Variants in SBF2 observed in about 807,000 individuals in gnomAD.
The protein encoded by SBF2 is SET binding factor 2, also known as myotubularin-related protein 13.
A neutral mutation model predicts 225.2 loss-of-function variants in SBF2; 112 were observed. That is an observed-to-expected ratio of 0.50 (90% CI 0.43 to 0.58). The LOEUF is 0.58. SBF2 is among the 20% of genes least tolerant of loss of function. The pLI is 0.00. For synonymous variants in SBF2, 763 were observed against 773.3 expected (o/e 0.99, Z 0.22); for missense variants, 1,996 against 2,206.2 (o/e 0.90, Z 1.91).
intron 2 of SBF2, among the ~76,000 whole-genome samples, chr11:10,189,703 G>A (rs1957083917): frequency 6.6e-6 from 1 of 152,076 alleles, no homozygotes; most frequent in Non-Finnish European, 1.5e-5. Context: ...TCTTTTTCAA[G>A]CCACAAAATT....
At chr11:10,111,396 T>C (rs1394674111) in intron 2 of SBF2, among the ~76,000 whole-genome samples, 1 of 152,192 alleles carries the variant, frequency 6.6e-6, no homozygotes, top group Non-Finnish European at 1.5e-5. Context: ...TCAGTAAAGT[T>C]GTACAATCAC....
At chr11:9,894,049 C>T (rs1242375178) in intron 17 of SBF2, among the ~76,000 whole-genome samples, 3 of 151,966 alleles carry the variant, frequency 2.0e-5, no homozygotes, top group Admixed American at 2.0e-4. Context: ...AATTTGAGAC[C>T]AGCCTGGGCA....
chr11:9,843,387 A>G (rs1856305551), intron 24 of SBF2, among the ~76,000 whole-genome samples: 3 of 152,232 alleles, frequency 2.0e-5, no homozygotes, highest in Admixed American at 1.3e-4. Context: ...CAGAAACTTG[A>G]GTATCCTTTT....
upstream of SBF2, among the ~76,000 whole-genome samples, chr11:10,298,036 A>AAGAAGGGT (rs1964564038): frequency 6.6e-6 from 1 of 152,262 alleles, no homozygotes; most frequent in African/African-American, 2.4e-5. Flanking sequence ...GCAGGAAGGG[A>AAGAAGGGT]AGAAGGGTAT....
In SBF2 at chr11:10,230,869, TG is replaced by T. The variant is rs1267286540; in HGVS notation, c.56-36883del. Among the ~76,000 whole-genome samples, 5 of 152,182 alleles carry T rather than the reference TG, an allele frequency of 3.3e-5. No individual in the cohort carries two copies. In the East Asian group the frequency reaches 9.6e-4, roughly 29 times the overall value. Reference sequence around the variant, plus strand: ...TGAATGTTGGCCTGCCTTGCTAGATTGGGGAAGTTCTCCTGGATAATATCCT... The same window carrying T: ...TGAATGTTGGCCTGCCTTGCTAGATTGGGAAGTTCTCCTGGATAATATCCT... On this transcript the variant is annotated intron_variant, in intron 1 of 39. Coordinates refer to ENST00000256190, the MANE Select transcript of SBF2 (RefSeq NM_030962.4).
chr11:9,874,459 A>G (rs550616931), intron 17 of SBF2, among the ~76,000 whole-genome samples: 3 of 152,210 alleles, frequency 2.0e-5, no homozygotes, highest in Non-Finnish European at 2.9e-5. Context: ...AAGAAAATCA[A>G]TATCTTTTAG....
Position 9,963,798 on chromosome 11 carries a change from T to A in SBF2, c.1685A>T (p.Glu562Val), listed in dbSNP as rs1226371442. 1 of 1,595,450 alleles carries A rather than the reference T, an allele frequency of 6.3e-7. No individual in the cohort carries two copies. Among genetic ancestry groups the A allele is most frequent in the Admixed American group, 1.7e-5 (1 of 59,576 alleles). ...VVRNCISFIF[E>V]NKILETEKTL... Reference sequence around the variant, plus strand: ...CTTTTCAGTTTCCAAAATTTTATTTTCAAATATGAATGAGATACAGTTTCT... The same window carrying A: ...CTTTTCAGTTTCCAAAATTTTATTTACAAATATGAATGAGATACAGTTTCT... Residue 562 changes from glutamate (E) to valine (V), a missense_variant, in exon 15 of 40, where the codon GAA becomes GTA. Transcript: ENST00000256190.
intron 2 of SBF2, among the ~76,000 whole-genome samples, chr11:10,159,104 C>T: frequency 6.6e-6 from 1 of 152,116 alleles, no homozygotes; most frequent in Non-Finnish European, 1.5e-5. Context: ...ATTATGAAAC[C>T]ACCTTTGCAA....
At chr11:10,126,732 T>C (rs1953772909) in intron 2 of SBF2, among the ~76,000 whole-genome samples, 1 of 152,128 alleles carries the variant, frequency 6.6e-6, no homozygotes, top group Non-Finnish European at 1.5e-5. Context: ...TATTTGTCTA[T>C]CCATGCTTAT....
intron 2 of SBF2, among the ~76,000 whole-genome samples, chr11:10,095,349 C>G (rs1423670064): frequency 4.6e-5 from 7 of 152,130 alleles, no homozygotes; most frequent in African/African-American, 9.7e-5. Flanking sequence ...AATGACAACT[C>G]CTGATGTAAG....
chr11:10,209,854 A>G (rs1042271718), intron 1 of SBF2, among the ~76,000 whole-genome samples: 1 of 152,132 alleles, frequency 6.6e-6, no homozygotes, highest in Non-Finnish European at 1.5e-5. Flanking sequence ...TGTCTCGAAG[A>G]CAACACTCAG....
chr11:9,902,540 C>T (rs1861801160), intron 16 of SBF2, among the ~76,000 whole-genome samples: 1 of 152,178 alleles, frequency 6.6e-6, no homozygotes, highest in Non-Finnish European at 1.5e-5. Context: ...GCTGTGGTCA[C>T]TCCTAGTGGC....
Position 9,962,059 on chromosome 11 carries a change from C to T in SBF2, c.1758G>A (p.Gln586=), listed in dbSNP as rs1484567557. The change falls in exon 16 of 40, where the codon CAG becomes CAA. Residue 586 remains glutamine, a synonymous_variant. Transcript: ENST00000256190. ...GCAAACCCAATTCATCAGTGAGACA[C>T]TGTCTTGCTGCCTTTCCTTTAAGGG... The part of the protein sequence containing the change: ...LRALKGKAAR[Q]CLTDELGLHV... 3.7e-6 allele frequency: 6 copies of T among 1,613,952 alleles called. No homozygotes were observed. The highest frequency in any genetic ancestry group is 5.1e-6 in the Non-Finnish European group (6 of 1,179,940).
At chr11:10,136,472 T>C (rs934343876) in intron 2 of SBF2, among the ~76,000 whole-genome samples, 2 of 152,182 alleles carry the variant, frequency 1.3e-5, no homozygotes, top group African/African-American at 4.8e-5. Flanking sequence ...TGAGTTAGTA[T>C]TTGATTATGT....
intron 16 of SBF2, among the ~76,000 whole-genome samples, chr11:9,906,840 T>C (rs112907314): frequency 1.5e-4 from 23 of 152,350 alleles, no homozygotes; most frequent in African/African-American, 5.5e-4. Context: ...AATTTACCTT[T>C]AATTTTCCTG....
intron 2 of SBF2, among the ~76,000 whole-genome samples, chr11:10,175,964 C>T (rs936449126): frequency 8.9e-5 from 13 of 145,304 alleles, no homozygotes; most frequent in African/African-American, 1.5e-4. Context: ...TTGAAACCAA[C>T]GAGAACAAAG....
chr11:9,988,990 C>T (rs1947306093), intron 13 of SBF2, among the ~76,000 whole-genome samples: 1 of 151,482 alleles, frequency 6.6e-6, no homozygotes, highest in Non-Finnish European at 1.5e-5. Context: ...TGCAAAATCA[C>T]GGAAGTAACC....
At chr11:10,249,881 C>G (rs1383508860) in intron 1 of SBF2, among the ~76,000 whole-genome samples, 1 of 149,112 alleles carries the variant, frequency 6.7e-6, no homozygotes, top group Non-Finnish European at 1.5e-5. Context: ...ATGGGGGAGT[C>G]CATAGCATTG....
At chr11:10,068,087 C>G (rs1018865082) in intron 2 of SBF2, among the ~76,000 whole-genome samples, 16 of 152,330 alleles carry the variant, frequency 1.1e-4, no homozygotes, top group Non-Finnish European at 1.3e-4. Context: ...GAAGGTCCCT[C>G]TGCTGCAGGC....
Sources: gnomAD v4.1 joint callset for allele counts (sites outside exome capture counted in the v4.1 genomes callset) on GRCh38, gnomAD v4.1.1 for gene constraint, MANE v1.5 for transcripts, NCBI Gene and HGNC (gene_info 2026-07-23, HGNC 2026-07-21) for gene names.